UTRN: variants seen among roughly 807,000 people sequenced by gnomAD.
The protein encoded by UTRN is dystrophin-related protein 1.
A neutral mutation model predicts 463.9 loss-of-function variants in UTRN; 283 were observed. The ratio of observed to expected loss-of-function variants is 0.61; its 90% confidence interval spans 0.55 to 0.67. UTRN has a LOEUF of 0.67. Among genes scored for constraint, UTRN ranks in the 30% least tolerant of loss-of-function variants. UTRN has a pLI of 0.00. For synonymous variants in UTRN, 1,442 were observed against 1,431.5 expected (o/e 1.01, Z -0.17); for missense variants, 3,922 against 4,084.3 (o/e 0.96, Z 1.08).
Position 144,569,919 on chromosome 6 carries a change from A to G in UTRN, c.7290-7180A>G, listed in dbSNP as rs996981296. Among the ~76,000 whole-genome samples the G allele has an allele frequency of 3.3e-5, 5 of 152,200 alleles. No homozygotes were observed. The East Asian group carries it at 7.7e-4, about 23-fold the overall frequency. On this transcript the variant is annotated intron_variant, in intron 50 of 74. Coordinates refer to ENST00000367545, the MANE Select transcript of UTRN (RefSeq NM_007124.3). ...TGAGTCAAGCAATGTGGCAACCTCTAGAAGTTGGAAAAGAAGAGGAACCAG... is the reference window on the plus strand; with the variant it reads ...TGAGTCAAGCAATGTGGCAACCTCTGGAAGTTGGAAAAGAAGAGGAACCAG...
At chr6:144,632,253 A>C (rs1776607594) in intron 51 of UTRN, among the ~76,000 whole-genome samples, 1 of 152,172 alleles carries the variant, frequency 6.6e-6, no homozygotes, top group African/African-American at 2.4e-5. Flanking sequence ...CATATTGTCT[A>C]TATTCTGTTC....
At position 144,629,291 on chromosome 6, in the gene UTRN, C is replaced by T. The variant is rs531135854; in HGVS notation, c.7480-49115C>T. Among the ~76,000 whole-genome samples, 6 of 151,908 alleles carry T rather than the reference C, an allele frequency of 3.9e-5. No individual in the cohort carries two copies. In the East Asian group the frequency reaches 5.8e-4, roughly 15 times the overall value. On this transcript the variant is annotated intron_variant, in intron 51 of 74. Coordinates refer to ENST00000367545, the MANE Select transcript of UTRN (RefSeq NM_007124.3). ...ATCTAGTGTACTGCGTCCTAAATGA[C>T]GCATCATGACCATAGACTGTCACCG...
intron 23 of UTRN, among the ~76,000 whole-genome samples, chr6:144,466,644 G>A: frequency 6.6e-6 from 1 of 152,138 alleles, no homozygotes; most frequent in East Asian, 1.9e-4. Context: ...TTTACTGACT[G>A]GATTTTCATG....
Position 144,748,151 on chromosome 6 carries a change from C to T in UTRN, c.7940-95C>T, listed in dbSNP as rs7756909. On this transcript the variant is annotated intron_variant, in intron 54 of 74. Transcript: ENST00000367545. ...GAGTAATTTTTTCTTACTTTTTCTC[C>T]GTATTTCTCAGTAACGATGGTAACA... The T allele has an allele frequency of 0.34, 487,859 of 1,424,520 alleles. 105,332 individuals are homozygous for T. Among genetic ancestry groups the T allele is most frequent in the East Asian group, 0.87 (36,473 of 41,780 alleles). The allele number at this position is 1,424,520 out of a possible 1,614,324, so 88.2% of individuals were successfully genotyped here. A position where few individuals can be genotyped will look rare whatever the true frequency, so the allele number is the denominator to read the frequency against.
chr6:144,639,732 C>T (rs1213608222), intron 51 of UTRN, among the ~76,000 whole-genome samples: 2 of 150,724 alleles, frequency 1.3e-5, no homozygotes, highest in African/African-American at 4.9e-5. Flanking sequence ...TTTTTTGAAT[C>T]ATGAAGCTGT....
chr6:144,697,062 G>A (rs781386211), intron 52 of UTRN, among the ~76,000 whole-genome samples: 18 of 151,970 alleles, frequency 1.2e-4, no homozygotes, highest in Non-Finnish European at 2.4e-4. Context: ...AGAATAACTG[G>A]TCACTTAAAA....
chr6:144,618,576 TA>T (rs1332525692), intron 51 of UTRN, among the ~76,000 whole-genome samples: 1 of 152,106 alleles, frequency 6.6e-6, no homozygotes, highest in African/African-American at 2.4e-5. Context: ...CAAAGAATCT[TA>T]GTAGTCAGTA....
At chr6:144,395,576 T>C (rs1015025828) in intron 2 of UTRN, among the ~76,000 whole-genome samples, 3 of 152,138 alleles carry the variant, frequency 2.0e-5, no homozygotes, top group Admixed American at 2.0e-4. Flanking sequence ...CTTGAGTTTG[T>C]TGAAAAGAAA....
chr6:144,529,035 A>T (rs1283698151), intron 41 of UTRN, among the ~76,000 whole-genome samples: 1 of 152,084 alleles, frequency 6.6e-6, no homozygotes, highest in Non-Finnish European at 1.5e-5. Context: ...CAGGGGGATT[A>T]TGGCTGCCTC....
At chr6:144,313,783 G>A (rs1162271999) in intron 2 of UTRN, among the ~76,000 whole-genome samples, 1 of 152,174 alleles carries the variant, frequency 6.6e-6, no homozygotes, top group Non-Finnish European at 1.5e-5. Flanking sequence ...GGGGAGAGAT[G>A]GGGATGGAAG....
intron 25 of UTRN, among the ~76,000 whole-genome samples, chr6:144,477,323 C>A (rs750243594): frequency 7.9e-5 from 12 of 152,066 alleles, no homozygotes; most frequent in Admixed American, 4.6e-4. Flanking sequence ...TAATAAAATG[C>A]TTTTGGCTAA....
chr6:144,679,174 G>A (rs1038793796), intron 52 of UTRN, among the ~76,000 whole-genome samples: 5 of 152,030 alleles, frequency 3.3e-5, no homozygotes, highest in Non-Finnish European at 7.4e-5. Context: ...ATTCATGTCT[G>A]CATTTGGAGA....
At chr6:144,622,743 T>C (rs1486918324) in intron 51 of UTRN, among the ~76,000 whole-genome samples, 1 of 152,212 alleles carries the variant, frequency 6.6e-6, no homozygotes, top group Non-Finnish European at 1.5e-5. Flanking sequence ...AAATGGACTT[T>C]TAAAATATGT....
At chr6:144,401,161 A>T (rs543691722) in intron 2 of UTRN, among the ~76,000 whole-genome samples, 1 of 152,120 alleles carries the variant, frequency 6.6e-6, no homozygotes, top group South Asian at 2.1e-4. Flanking sequence ...TCAAATTAAG[A>T]TAATTTAATA....
intron 51 of UTRN, among the ~76,000 whole-genome samples, chr6:144,650,141 C>T (rs1161374257): frequency 5.3e-5 from 8 of 152,162 alleles, no homozygotes; most frequent in Admixed American, 4.6e-4. Flanking sequence ...AAGAACTCCC[C>T]TTTATAAAAC....
At chr6:144,625,182 A>G (rs2128650216) in intron 51 of UTRN, among the ~76,000 whole-genome samples, 1 of 152,286 alleles carries the variant, frequency 6.6e-6, no homozygotes, top group South Asian at 2.1e-4. Context: ...TAAAGAAACC[A>G]GTGAATGTAA....
At chr6:144,810,487 G>T (rs1586666480) in intron 65 of UTRN, among the ~76,000 whole-genome samples, 1 of 152,178 alleles carries the variant, frequency 6.6e-6, no homozygotes, top group Non-Finnish European at 1.5e-5. Context: ...AGAATCCACT[G>T]TAATGGAGAA....
At chr6:144,535,175 G>A (rs575863494) in intron 43 of UTRN, among the ~76,000 whole-genome samples, 3 of 152,230 alleles carry the variant, frequency 2.0e-5, no homozygotes, top group Middle Eastern at 3.4e-3. Context: ...CTGCCTCCCC[G>A]GCTCAAGCAA....
intron 14 of UTRN, among the ~76,000 whole-genome samples, chr6:144,446,543 C>T (rs557701820): frequency 2.6e-5 from 4 of 152,358 alleles, no homozygotes; most frequent in Middle Eastern, 3.4e-3. Flanking sequence ...AATGTAGCTA[C>T]GGTTGTTTTC....
Sources: allele counts gnomAD v4.1 joint callset (sites outside exome capture counted in the v4.1 genomes callset), GRCh38; gene constraint gnomAD v4.1.1; transcripts MANE v1.5; gene names NCBI Gene and HGNC (gene_info 2026-07-23, HGNC 2026-07-21).